Variants in NOBOX observed in about 807,000 individuals in gnomAD.
NOBOX encodes the protein homeobox protein NOBOX.
NOBOX carries 46 observed loss-of-function variants against 60.2 expected under a neutral mutation model. The observed-to-expected ratio is 0.76, with a 90% CI of 0.60 to 0.98. The LOEUF is 0.98. NOBOX is among the 50% of genes least tolerant of loss of function. The probability of loss-of-function intolerance (pLI) is 0.00; values close to 1 mark genes in which losing one functional copy is unlikely to be tolerated. For missense variants in NOBOX, 880 were observed against 865.5 expected, an observed-to-expected ratio of 1.02 and a Z score of -0.21; for synonymous variants, 360 against 346.3, an observed-to-expected ratio of 1.04 and a Z score of -0.44.
chr7:144,399,873 G>T lies in NOBOX; in HGVS notation c.1048-10C>A, dbSNP rs767110478. ...GATTCTGGAACCACACCTATGGGGG[G>T]AAAGGTGCTTGAAGAACTGGAGAAG... On this transcript the variant is annotated splice_polypyrimidine_tract_variant and intron_variant, in intron 5 of 9. Coordinates refer to ENST00000467773, the MANE Select transcript of NOBOX (RefSeq NM_001080413.3). 17 of 1,601,118 alleles carry T rather than the reference G, an allele frequency of 1.1e-5. No homozygotes were observed. The highest frequency in any genetic ancestry group is 8.0e-5 in the African/African-American group (6 of 74,866).
At chr7:144,408,084 C>T (rs1480455733) in intron 1 of NOBOX, among the ~76,000 whole-genome samples, 1 of 152,096 alleles carries the variant, frequency 6.6e-6, no homozygotes, top group Non-Finnish European at 1.5e-5. Flanking sequence ...CCGGCCCCAA[C>T]CTTCACTCAG....
At chr7:144,399,276 T>C in intron 7 of NOBOX, 98 bp from the exon 6 acceptor site, 1 of 958,354 alleles carries the variant, frequency 1.0e-6, no homozygotes, top group Non-Finnish European at 1.6e-6. Context: ...CAGGTCCCCC[T>C]GAATAGGCCC....
In NOBOX at chr7:144,399,297, A is replaced by G. The variant is rs540674053; in HGVS notation, c.1240+100T>C. The G allele has an allele frequency of 3.9e-5, 40 of 1,025,146 alleles. No individual in the cohort carries two copies. In the African/African-American group the frequency reaches 6.0e-4, roughly 15 times the overall value. 63.5% of individuals were successfully genotyped at this position (1,025,146 alleles called of 1,614,324 possible). A position where few individuals can be genotyped will look rare whatever the true frequency, so the allele number is the denominator to read the frequency against. ...CCCCTGAATAGGCCCTGCTGGCTGAAACACTGGAGGACTCCAGTCACTCCC... is the reference window on the plus strand; with the variant it reads ...CCCCTGAATAGGCCCTGCTGGCTGAGACACTGGAGGACTCCAGTCACTCCC... On this transcript the variant is annotated intron_variant, in intron 7 of 9. Transcript: ENST00000467773.
chr7:144,404,783 C>A, intron 1 of NOBOX: 1 of 1,296,434 alleles, frequency 7.7e-7, no homozygotes, highest in Admixed American at 2.2e-5. Context: ...CACAGGGGTG[C>A]AGCCTTATGA....
chr7:144,409,866 G>T (rs756189487), intron 1 of NOBOX, among the ~76,000 whole-genome samples: 2 of 152,170 alleles, frequency 1.3e-5, no homozygotes, highest in African/African-American at 4.8e-5. Flanking sequence ...GAAGGGGTCC[G>T]GGATTCTAAG....
At chr7:144,397,178 C>A, downstream of NOBOX, 1 of 1,405,750 alleles carries the variant, frequency 7.1e-7, no homozygotes, top group Non-Finnish European at 9.5e-7. Context: ...CAACCCCTGT[C>A]CTCTCAGCGA....
At chr7:144,400,490 G>A (rs2053929616) in intron 4 of NOBOX, among the ~76,000 whole-genome samples, 178 bp from the exon 3 acceptor site, 1 of 152,222 alleles carries the variant, frequency 6.6e-6, no homozygotes, top group South Asian at 2.1e-4. Context: ...CTACAGCAGA[G>A]AGCAGTATGT....
Position 144,401,549 on chromosome 7 carries a change from T to A in NOBOX, c.341A>T (p.Glu114Val). 6.6e-7 allele frequency: 1 copy of A among 1,513,326 alleles called. No individual in the cohort carries two copies. Among genetic ancestry groups the A allele is most frequent in the Non-Finnish European group, 8.8e-7 (1 of 1,136,370 alleles). The allele number at this position is 1,513,326 out of a possible 1,614,324, so 93.7% of individuals were successfully genotyped here. ...ATGAGGGGCTGAGCCCCGGAGCAGTTCCTCCTCCCCGGGTCCTGCAGCCAG... is the reference window on the plus strand; with the variant it reads ...ATGAGGGGCTGAGCCCCGGAGCAGTACCTCCTCCCCGGGTCCTGCAGCCAG... The change falls in exon 4 of 10, where the codon GAA (glutamate) becomes GTA (valine). Residue 114 changes from glutamate (E) to valine (V), a missense_variant. Glu to Val is a moderately radical substitution (Grantham distance 121). Transcript: ENST00000467773. The surrounding 1 kb of genome is among the most constrained non-coding windows in gnomAD (Gnocchi z 4.2).
intron 2 of NOBOX, 58 bp downstream of exon 1, chr7:144,403,599 C>T (rs1006255229): frequency 4.4e-6 from 3 of 674,728 alleles, no homozygotes; most frequent in African/African-American, 1.8e-5. Flanking sequence ...ACAGGCCTCC[C>T]CCCCTCCCCG....
intron 2 of NOBOX, 106 bp from the exon 1 acceptor site, chr7:144,403,799 G>T: frequency 2.2e-6 from 1 of 460,206 alleles, no homozygotes; most frequent in Admixed American, 4.6e-5. Flanking sequence ...GGCCGGGCCG[G>T]GGGAGCCGTA....
At position 144,399,744 on chromosome 7, in the gene NOBOX, G is replaced by A. The variant is rs780033209; in HGVS notation, c.1154+13C>T. ...ACCCACAGGGATGATACAGAAAGAG[G>A]AAGAATTCTGACCTGCATTGACTGC... On this transcript the variant is annotated intron_variant, in intron 6 of 9. Transcript: ENST00000467773. The A allele has an allele frequency of 5.7e-6, 9 of 1,592,790 alleles. No individual in the cohort carries two copies. Among genetic ancestry groups the A allele is most frequent in the South Asian group, 4.5e-5 (4 of 88,384 alleles).
In NOBOX at chr7:144,401,663, T is replaced by C; in HGVS notation, c.293-66A>G. 7.1e-7 allele frequency: 1 copy of C among 1,415,834 alleles called. No individual in the cohort carries two copies. 87.7% of individuals were successfully genotyped at this position (1,415,834 alleles called of 1,614,324 possible). On this transcript the variant is annotated intron_variant, in intron 3 of 9. Coordinates refer to ENST00000467773, the MANE Select transcript of NOBOX (RefSeq NM_001080413.3). This position sits in a 1 kb window ranked among gnomAD's most constrained non-coding sequence, Gnocchi z 4.2. ...AAGGAAGAACTGGACCAAGAGGAAG[T>C]GCTGCTTCCTGCTTTGCAAACGGTT... is the stretch of plus-strand genomic sequence containing the variant.
chr7:144,405,614 C>T (rs775578542), intron 1 of NOBOX, among the ~76,000 whole-genome samples: 3 of 152,160 alleles, frequency 2.0e-5, no homozygotes, highest in Admixed American at 6.5e-5. Flanking sequence ...CCAGGATGAA[C>T]GGCAAGCTCT....
At chr7:144,403,738 C>A (rs1399803931) in intron 2 of NOBOX, 45 bp from the exon 1 acceptor site, 10 of 692,090 alleles carry the variant, frequency 1.4e-5, no homozygotes, top group African/African-American at 1.1e-4. Flanking sequence ...TGCACAGGCG[C>A]GGCCTAATGA....
chr7:144,397,090 T>G, downstream of NOBOX: 1 of 636,640 alleles, frequency 1.6e-6, no homozygotes, highest in Non-Finnish European at 2.6e-6. Flanking sequence ...CCTTCTCATA[T>G]CAACAAGACG....
intron 1 of NOBOX, among the ~76,000 whole-genome samples, chr7:144,405,637 T>C (rs2053980279): frequency 6.6e-6 from 1 of 152,196 alleles, no homozygotes; most frequent in Non-Finnish European, 1.5e-5. Context: ...CATCTGGGTC[T>C]TTCCCCTGGA....
chr7:144,397,422 G>C lies in NOBOX; in HGVS notation c.1894C>G (p.Pro632Ala). ...TGCCTGCCCAGAGCCTGGGGGCAGG[G>C]AGTTGGAAATAGATCAGGAAAGTAG... The change falls in exon 10 of 10, where the codon CCC (proline) becomes GCC (alanine). Residue 632 changes from proline to alanine, a missense_variant. Coordinates refer to ENST00000467773, the MANE Select transcript of NOBOX (RefSeq NM_001080413.3). The C allele has an allele frequency of 2.6e-6, 4 of 1,537,240 alleles. No homozygotes were observed. The highest frequency in any genetic ancestry group is 3.5e-6 in the Non-Finnish European group (4 of 1,146,896).
At chr7:144,398,900 C>T in intron 8 of NOBOX, 50 bp downstream of exon 6, 1 of 1,037,846 alleles carries the variant, frequency 9.6e-7, no homozygotes, top group Non-Finnish European at 1.5e-6. Flanking sequence ...TCTACACCCC[C>T]CTACCCCCAC....
chr7:144,404,218 A>AT (rs1283484221), intron 2 of NOBOX, among the ~76,000 whole-genome samples: 1 of 152,160 alleles, frequency 6.6e-6, no homozygotes, highest in African/African-American at 2.4e-5. Flanking sequence ...AAGCCTCAGT[A>AT]TTAAGGAGCT....
Sources: allele counts gnomAD v4.1 joint callset (sites outside exome capture counted in the v4.1 genomes callset), GRCh38; gene constraint gnomAD v4.1.1; non-coding constraint Gnocchi (gnomAD v3.1); transcripts MANE v1.5; gene names NCBI Gene and HGNC (gene_info 2026-07-23, HGNC 2026-07-21).